Variants in SSH1 observed in about 807,000 individuals in gnomAD.
SSH1 encodes the protein slingshot protein phosphatase 1, also known as protein phosphatase Slingshot homolog 1.
Under a neutral mutation model 79.7 loss-of-function variants are expected in SSH1, and 43 were observed. The observed-to-expected ratio is 0.54, with a 90% confidence interval of 0.42 to 0.70. The LOEUF is 0.70. SSH1 is among the 30% of genes least tolerant of loss of function. The probability of loss-of-function intolerance (pLI) is 0.00; values close to 1 mark genes in which losing one functional copy is unlikely to be tolerated. For synonymous variants in SSH1, 599 were observed against 538.3 expected, an observed-to-expected ratio of 1.11 and a Z score of -1.56; for missense variants, 1,206 against 1,358.8, an observed-to-expected ratio of 0.89 and a Z score of 1.77.
chr12:108,825,496 A>G (rs2038277799), intron 2 of SSH1, among the ~76,000 whole-genome samples: 1 of 152,252 alleles, frequency 6.6e-6, no homozygotes, highest in African/African-American at 2.4e-5. Context: ...TTCTGGTTAA[A>G]TGCTCATGCT....
intron 10 of SSH1, among the ~76,000 whole-genome samples, chr12:108,804,854 C>T (rs563670011): frequency 5.2e-4 from 79 of 152,350 alleles, no homozygotes; most frequent in Middle Eastern, 6.8e-3. Context: ...AGCCACGTCT[C>T]AAACAGCTGG....
At position 108,805,077 on chromosome 12, in the gene SSH1, A is replaced by G; in HGVS notation, c.933T>C (p.Leu311=). 6.2e-7 allele frequency: 1 copy of G among 1,614,230 alleles called. No individual in the cohort carries two copies. The highest frequency in any genetic ancestry group is 8.5e-7 in the Non-Finnish European group (1 of 1,180,038). The change falls in exon 10 of 15, where the codon CTT becomes CTC. Residue 311 remains leucine (L), a synonymous_variant. Coordinates refer to ENST00000326495, the MANE Select transcript of SSH1 (RefSeq NM_018984.4). ...TTACGAGATAAAGATGATCGAAGAT[A>G]AGGGAGGGCTTGTCCATCTGTCCCA... The part of the protein sequence containing the change: ...LILGQMDKPS[L]IFDHLYLGSE...
At chr12:108,804,678 C>T (rs753343583) in intron 10 of SSH1, among the ~76,000 whole-genome samples, 54 of 152,354 alleles carry the variant, frequency 3.5e-4, no homozygotes, top group South Asian at 1.2e-3. Context: ...GGTGAGGACA[C>T]TTCCTTTAGT....
intron 2 of SSH1, chr12:108,836,968 T>G (rs747519669): frequency 1.9e-6 from 1 of 520,284 alleles, no homozygotes; most frequent in Admixed American, 2.0e-5. Flanking sequence ...CAGTGGCTCA[T>G]GCCTGTAATC....
At chr12:108,852,247 T>G (rs2039055871) in intron 2 of SSH1, among the ~76,000 whole-genome samples, 1 of 151,940 alleles carries the variant, frequency 6.6e-6, no homozygotes, top group Non-Finnish European at 1.5e-5. Flanking sequence ...TCTTTTTTTT[T>G]TTTTTTTAAG....
At position 108,820,716 on chromosome 12, in the gene SSH1, A is replaced by G. The variant is rs145577287; in HGVS notation, c.215-2403T>C. Among the ~76,000 whole-genome samples the G allele has an allele frequency of 6.0e-3, 918 of 152,312 alleles. 6 individuals carry two copies. Among genetic ancestry groups the G allele is most frequent in the Non-Finnish European group, 9.3e-3 (631 of 68,010 alleles). On this transcript the variant is annotated intron_variant, in intron 3 of 14. Coordinates refer to ENST00000326495, the MANE Select transcript of SSH1 (RefSeq NM_018984.4). ...TTTCCAAGGACAGAATTAACCCTCA[A>G]TTGTACTCAGCTCTGCACAGTGGTT...
In SSH1 at chr12:108,789,212, C is replaced by T; in HGVS notation, c.1926G>A (p.Val642=). 2 of 1,603,754 alleles carry T rather than the reference C, an allele frequency of 1.2e-6. No homozygotes were observed. Among genetic ancestry groups the T allele is most frequent in the Admixed American group, 3.5e-5 (2 of 57,772 alleles). The change falls in exon 15 of 15, where the codon GTG becomes GTA. Residue 642 remains valine, a synonymous_variant. Transcript: ENST00000326495. ...CGGCACAGGATTTATAGGAAGGCTT[C>T]ACTTTGTTAAGGATCCCAAATATAG... ...DDAIFGILNK[V]KPSYKSCADC... is the part of the protein sequence containing the mutation.
intron 12 of SSH1, among the ~76,000 whole-genome samples, chr12:108,799,595 G>A (rs1357235028): frequency 2.6e-5 from 4 of 152,218 alleles, no homozygotes; most frequent in Admixed American, 6.5e-5. Context: ...CGGGATTTCT[G>A]CAAGAGCTAC....
At chr12:108,791,993 G>C in intron 14 of SSH1, 1 of 1,334,202 alleles carries the variant, frequency 7.5e-7, no homozygotes, top group Non-Finnish European at 9.6e-7. Flanking sequence ...CCTGCCCAGG[G>C]TATGAATAAG....
chr12:108,795,035 A>T (rs2036687963), intron 13 of SSH1, among the ~76,000 whole-genome samples: 2 of 152,204 alleles, frequency 1.3e-5, no homozygotes. Flanking sequence ...CCCGCTTCAC[A>T]TGAAAATTGT....
At chr12:108,802,260 G>T in intron 11 of SSH1, 62 bp downstream of exon 11, 1 of 1,472,830 alleles carries the variant, frequency 6.8e-7, no homozygotes. Context: ...CCCCTCCATG[G>T]CAGAGTGGAG....
In SSH1 at chr12:108,779,051, G is replaced by A. The variant is rs1019012380; in HGVS notation, c.*8937C>T. The A allele has an allele frequency of 1.3e-5, 2 of 152,192 alleles. No homozygotes were observed. The highest frequency in any genetic ancestry group is 2.4e-5 in the African/African-American group (1 of 41,434). The allele number at this position is 152,192 out of a possible 1,614,324, so 9.4% of individuals were successfully genotyped here. A position where few individuals can be genotyped will look rare whatever the true frequency, so the allele number is the denominator to read the frequency against. ...ACTCCTGGGCTCAAGCAATCTGCCT[G>A]CCTCGGCCTCTCAAGGTGTTGGGAT... is the stretch of plus-strand genomic sequence containing the variant. On this transcript the variant is annotated 3_prime_UTR_variant, in exon 15 of 15. Coordinates refer to ENST00000326495, the MANE Select transcript of SSH1 (RefSeq NM_018984.4).
intron 2 of SSH1, among the ~76,000 whole-genome samples, chr12:108,851,634 G>A (rs1423596052): frequency 6.6e-6 from 1 of 151,976 alleles, no homozygotes; most frequent in Non-Finnish European, 1.5e-5. Context: ...TTTTGGCAAA[G>A]AAAAAACAAA....
intron 5 of SSH1, among the ~76,000 whole-genome samples, chr12:108,813,529 T>C (rs1295595131): frequency 6.7e-6 from 1 of 149,104 alleles, no homozygotes; most frequent in Non-Finnish European, 1.5e-5. Context: ...GCCTGGGCAA[T>C]AGTGATTTTT....
At chr12:108,811,686 G>A (rs968572164) in intron 5 of SSH1, 10 of 383,166 alleles carry the variant, frequency 2.6e-5, no homozygotes, top group African/African-American at 1.7e-4. Context: ...TGTCCTGGGT[G>A]GCGGCAGGGG....
Position 108,835,457 on chromosome 12 carries a change from A to C in SSH1, c.111-12096T>G, listed in dbSNP as rs866888190. ...CAAAAAAACAGAAAACAAAACAAAC[A>C]AACACTGAGGCTCAGGGAGGTTAAG... is the stretch of plus-strand genomic sequence containing the variant. On this transcript the variant is annotated intron_variant, in intron 2 of 14. Coordinates refer to ENST00000326495, the MANE Select transcript of SSH1 (RefSeq NM_018984.4). Among the ~76,000 whole-genome samples, 36 of 152,094 alleles carry C rather than the reference A, an allele frequency of 2.4e-4. 2 individuals carry two copies. The highest frequency in any genetic ancestry group is 7.2e-4 in the African/African-American group (30 of 41,386).
At position 108,835,933 on chromosome 12, in the gene SSH1, A is replaced by AATTATAACTATATTATCG. The variant is rs2038602361; in HGVS notation, c.111-12573_111-12572insCGATAATATAGTTATAAT. On this transcript the variant is annotated intron_variant, in intron 2 of 14. Transcript: ENST00000326495. ...TAATTATAACTATATTAATATAATC[A>AATTATAACTATATTATCG]ATTATAACTATATTAATATAATCGA... Among the ~76,000 whole-genome samples the AATTATAACTATATTATCG allele has an allele frequency of 1.7e-4, 4 of 23,502 alleles. No homozygotes were observed. In the Admixed American group the frequency reaches 2.3e-3, roughly 14 times the overall value. 15.4% of individuals were successfully genotyped at this position (23,502 alleles called of 152,430 possible). A position where few individuals can be genotyped will look rare whatever the true frequency, so the allele number is the denominator to read the frequency against.
intron 12 of SSH1, 116 bp from the exon 13 acceptor site, chr12:108,799,316 C>T: frequency 1.2e-6 from 1 of 843,824 alleles, no homozygotes; most frequent in East Asian, 2.7e-5. Context: ...TTTTTAAACC[C>T]TGTAGATATC....
At chr12:108,836,813 G>A (rs551855542) in intron 2 of SSH1, 6 of 460,426 alleles carry the variant, frequency 1.3e-5, no homozygotes, top group South Asian at 3.2e-5. Context: ...GGGATTCAAC[G>A]AGGACGCAGC....
Sources: allele counts gnomAD v4.1 joint callset (sites outside exome capture counted in the v4.1 genomes callset), GRCh38; gene constraint gnomAD v4.1.1; transcripts MANE v1.5; gene names NCBI Gene and HGNC (gene_info 2026-07-23, HGNC 2026-07-21).